Variants in RNF216 observed in about 807,000 individuals in gnomAD.
The protein encoded by RNF216 is E3 ubiquitin-protein ligase RNF216.
A neutral mutation model predicts 110.8 loss-of-function variants in RNF216; 72 were observed. That is an observed-to-expected ratio of 0.65 (90% CI 0.54 to 0.79). The LOEUF is 0.79. Among genes scored for constraint, RNF216 ranks in the 30% least tolerant of loss-of-function variants. The pLI is 0.00. For synonymous variants in RNF216, 495 were observed against 407.5 expected (o/e 1.21, Z -2.59); for missense variants, 1,342 against 1,141.2 (o/e 1.18, Z -2.54).
intron 9 of RNF216, among the ~76,000 whole-genome samples, chr7:5,718,402 C>A (rs567627307): frequency 1.4e-4 from 21 of 152,196 alleles, no homozygotes; most frequent in Non-Finnish European, 2.6e-4. Context: ...AAACAAAATG[C>A]GAGAAAGGGA....
chr7:5,646,257 A>T (rs1788041668), intron 14 of RNF216, among the ~76,000 whole-genome samples: 1 of 152,066 alleles, frequency 6.6e-6, no homozygotes, highest in Non-Finnish European at 1.5e-5. Flanking sequence ...TAGTCCCAGC[A>T]ACTCGTGAGG....
intron 14 of RNF216, among the ~76,000 whole-genome samples, chr7:5,647,207 T>C (rs1788102528): frequency 6.6e-6 from 1 of 152,062 alleles, no homozygotes. Flanking sequence ...TGGAATTCCC[T>C]ACACTGTCAT....
chr7:5,630,230 C>A (rs1786986630), intron 15 of RNF216, among the ~76,000 whole-genome samples: 1 of 152,092 alleles, frequency 6.6e-6, no homozygotes, highest in South Asian at 2.1e-4. Context: ...GCAGTGCTGG[C>A]TTCTTCAAGA....
In RNF216 at chr7:5,739,323, C is replaced by T; in HGVS notation, c.1074G>A (p.Gly358=). The T allele has an allele frequency of 1.2e-6, 2 of 1,600,546 alleles. No individual in the cohort carries two copies. The highest frequency in any genetic ancestry group is 1.7e-6 in the Non-Finnish European group (2 of 1,175,738). ...TEARFPDVAN[G]FIEEIIHFKN... is the part of the protein sequence containing the mutation. ...TAAAATGAATTATTTCCTCAATAAA[C>T]CCATTTGCTACATCTGGAAATCTTG... Residue 358 remains glycine (G), a synonymous_variant, in exon 5 of 17, where the codon GGG becomes GGA. Coordinates refer to ENST00000389902, the MANE Select transcript of RNF216 (RefSeq NM_207111.4).
At chr7:5,770,056 CTG>C (rs1310854822) in intron 1 of RNF216, among the ~76,000 whole-genome samples, 1 of 76,266 alleles carries the variant, frequency 1.3e-5, no homozygotes, top group Admixed American at 1.4e-4. Flanking sequence ...AAAAAAAAGA[CTG>C]AAAATCGGCT....
At chr7:5,700,151 T>C (rs990926402) in intron 13 of RNF216, among the ~76,000 whole-genome samples, 1 of 152,094 alleles carries the variant, frequency 6.6e-6, no homozygotes, top group African/African-American at 2.4e-5. Flanking sequence ...ATAGCAACAA[T>C]TTCTCTTCTA....
chr7:5,677,722 T>G (rs1474672983), intron 13 of RNF216, among the ~76,000 whole-genome samples: 1 of 152,240 alleles, frequency 6.6e-6, no homozygotes. Context: ...CTCCACTTCC[T>G]GTGCAGAGTC....
At chr7:5,648,733 A>AAG (rs1788203136) in intron 14 of RNF216, among the ~76,000 whole-genome samples, 1 of 151,648 alleles carries the variant, frequency 6.6e-6, no homozygotes, top group Admixed American at 6.6e-5. Flanking sequence ...GTCTCAAAAA[A>AAG]AAAAAAAAGA....
chr7:5,670,652 G>T (rs1034089438), intron 13 of RNF216, among the ~76,000 whole-genome samples: 3 of 152,058 alleles, frequency 2.0e-5, no homozygotes, highest in African/African-American at 7.3e-5. Flanking sequence ...GTTTCTTCAT[G>T]TCCGACAACC....
intron 1 of RNF216, among the ~76,000 whole-genome samples, chr7:5,769,258 C>T (rs757984285): frequency 6.6e-6 from 1 of 151,840 alleles, no homozygotes; most frequent in Non-Finnish European, 1.5e-5. Context: ...GCTGGGACTA[C>T]AGGCGTGCGC....
rs1435851220 is a variant in RNF216, at chr7:5,696,776, G to GA, written c.2061+14984dup. The stretch of plus-strand genomic sequence containing the variant: ...ACAGCAAATACCTGCAACATTGTAC[G>GA]AACGGGCTCTGGGAGGGCTGTAGGA... On this transcript the variant is annotated intron_variant, in intron 13 of 16. Transcript: ENST00000389902. The surrounding 1 kb of genome is among the most constrained non-coding windows in gnomAD (Gnocchi z 5.4). Among the ~76,000 whole-genome samples, 14 of 152,262 alleles carry GA rather than the reference G, an allele frequency of 9.2e-5. No individual in the cohort carries two copies. The highest frequency in any genetic ancestry group is 3.4e-4 in the African/African-American group (14 of 41,536).
intron 13 of RNF216, among the ~76,000 whole-genome samples, chr7:5,677,995 G>A (rs1389398893): frequency 6.6e-6 from 1 of 152,058 alleles, no homozygotes; most frequent in African/African-American, 2.4e-5. Context: ...GGGGTAACCA[G>A]ATTTTGCGAC....
intron 13 of RNF216, among the ~76,000 whole-genome samples, chr7:5,710,300 C>CA: frequency 6.6e-6 from 1 of 151,604 alleles, no homozygotes; most frequent in South Asian, 2.1e-4. Flanking sequence ...GCGGAGGTTG[C>CA]AGTGAGCTGA....
At chr7:5,768,445 T>C (rs987070062) in intron 1 of RNF216, among the ~76,000 whole-genome samples, 2 of 148,014 alleles carry the variant, frequency 1.4e-5, no homozygotes, top group Admixed American at 1.4e-4. Context: ...TATAGCTGGA[T>C]AGACTTGAAC....
intron 2 of RNF216, among the ~76,000 whole-genome samples, chr7:5,753,486 T>C (rs1375155181): frequency 6.6e-6 from 1 of 152,234 alleles, no homozygotes; most frequent in Non-Finnish European, 1.5e-5. Flanking sequence ...CAAGCACCCA[T>C]TTAGCATCTA....
At chr7:5,725,798 C>T (rs536173415) in intron 7 of RNF216, among the ~76,000 whole-genome samples, 16 of 145,300 alleles carry the variant, frequency 1.1e-4, no homozygotes, top group Admixed American at 3.6e-4. Context: ...CGCAGTGAGC[C>T]GAGACTGCAC....
At chr7:5,780,948 C>T (rs1174366747) in intron 1 of RNF216, among the ~76,000 whole-genome samples, 1 of 152,202 alleles carries the variant, frequency 6.6e-6, no homozygotes, top group Non-Finnish European at 1.5e-5. Flanking sequence ...ACAGCGGCCT[C>T]GCTCGCTGCC....
At position 5,620,271 on chromosome 7, in the gene RNF216, C is replaced by T. The variant is rs1274410318; in HGVS notation, c.*2589G>A. The T allele has an allele frequency of 6.6e-6, 1 of 152,222 alleles. No homozygotes were observed. The highest frequency in any genetic ancestry group is 1.5e-5 in the Non-Finnish European group (1 of 68,056). The allele number at this position is 152,222 out of a possible 1,614,324, so 9.4% of individuals were successfully genotyped here. On this transcript the variant is annotated 3_prime_UTR_variant, in exon 17 of 17. Transcript: ENST00000389902. ...CTAAGTGCAAATACTAGATTCCTCTCTCCAGTTTTAAGGCAAGTAAGAGGG... is the reference window on the plus strand; with the variant it reads ...CTAAGTGCAAATACTAGATTCCTCTTTCCAGTTTTAAGGCAAGTAAGAGGG...
chr7:5,654,350 C>G (rs1254922466), intron 13 of RNF216, among the ~76,000 whole-genome samples: 1 of 151,938 alleles, frequency 6.6e-6, no homozygotes, highest in African/African-American at 2.4e-5. Flanking sequence ...GCTGAGGGAG[C>G]TGAGAACCTG....
Sources: allele counts gnomAD v4.1 joint callset (sites outside exome capture counted in the v4.1 genomes callset), GRCh38; gene constraint gnomAD v4.1.1; non-coding constraint Gnocchi (gnomAD v3.1); transcripts MANE v1.5; gene names NCBI Gene and HGNC (gene_info 2026-07-23, HGNC 2026-07-21).